The following LRP1B variants were observed in gnomAD, a reference collection of about 807,000 sequenced individuals.
LRP1B encodes the protein low-density lipoprotein receptor-related protein 1B.
A neutral mutation model predicts 556.6 loss-of-function variants in LRP1B; 217 were observed. That is an observed-to-expected ratio of 0.39 (90% CI 0.35 to 0.44). The LOEUF is 0.44. LRP1B is among the 20% of genes least tolerant of loss of function. The pLI is 1.00. For missense variants in LRP1B, 5,053 were observed against 5,620.8 expected (o/e 0.90, Z 3.23); for synonymous variants, 2,047 against 1,865.8 (o/e 1.10, Z -2.50).
intron 67 of LRP1B, among the ~76,000 whole-genome samples, chr2:140,383,573 A>G (rs1683631856): frequency 6.6e-6 from 1 of 152,116 alleles, no homozygotes; most frequent in African/African-American, 2.4e-5. Context: ...CTATTCAATT[A>G]TCTAGATCCC....
intron 35 of LRP1B, among the ~76,000 whole-genome samples, chr2:140,738,398 T>C (rs1419809969): frequency 1.3e-5 from 2 of 152,096 alleles, no homozygotes; most frequent in African/African-American, 2.4e-5. Flanking sequence ...CAGAGACAGA[T>C]CTGTGTGGCA....
intron 3 of LRP1B, among the ~76,000 whole-genome samples, chr2:141,277,324 T>C (rs569014297): frequency 4.6e-5 from 7 of 152,330 alleles, no homozygotes; most frequent in South Asian, 4.1e-4. Flanking sequence ...TTTTTAATAA[T>C]AGCCATTCTA....
chr2:142,117,065 G>A (rs537927104), intron 1 of LRP1B, among the ~76,000 whole-genome samples: 107 of 151,842 alleles, frequency 7.0e-4, no homozygotes, highest in Middle Eastern at 3.4e-3. Context: ...TTGTAATGTT[G>A]TTTCAACCAC....
intron 2 of LRP1B, among the ~76,000 whole-genome samples, chr2:141,782,090 C>T (rs1258956606): frequency 6.6e-6 from 1 of 152,090 alleles, no homozygotes; most frequent in Non-Finnish European, 1.5e-5. Context: ...TCTTGTGATA[C>T]TTAAATATTA....
intron 7 of LRP1B, chr2:141,167,419 T>A (rs1417744778): frequency 1.3e-5 from 2 of 151,886 alleles, no homozygotes; most frequent in Non-Finnish European, 2.9e-5. Context: ...CGTGTCTATA[T>A]AGATTAACCC....
chr2:141,471,589 C>T (rs1211538338), intron 3 of LRP1B, among the ~76,000 whole-genome samples: 1 of 152,272 alleles, frequency 6.6e-6, no homozygotes, highest in East Asian at 1.9e-4. Context: ...ACCATCAGCT[C>T]ACTTGGGATA....
rs373545945 is a variant in LRP1B at position 140,537,210 on chromosome 2, A to T, written c.7514-501T>A. Reference sequence around the variant, plus strand: ...TATTATATATAAGAATATATAATATAATATATAATAATAATATAATAATTA... The same window carrying T: ...TATTATATATAAGAATATATAATATTATATATAATAATAATATAATAATTA... On this transcript the variant is annotated intron_variant, in intron 45 of 90. Coordinates refer to ENST00000389484, the MANE Select transcript of LRP1B (RefSeq NM_018557.3). 4.4e-4 allele frequency among the ~76,000 whole-genome samples: 59 copies of T among 132,596 alleles called. No homozygotes were observed. In the East Asian group the frequency reaches 0.01, roughly 23 times the overall value. 87.0% of individuals were successfully genotyped at this position (132,596 alleles called of 152,430 possible). A position where few individuals can be genotyped will look rare whatever the true frequency, so the allele number is the denominator to read the frequency against.
intron 1 of LRP1B, among the ~76,000 whole-genome samples, chr2:141,912,649 G>C (rs1172414747): frequency 6.6e-6 from 1 of 152,040 alleles, no homozygotes; most frequent in Non-Finnish European, 1.5e-5. Flanking sequence ...TATTTTGAGA[G>C]AAAAACACCC....
chr2:140,352,961 A>G lies in LRP1B; in HGVS notation c.11642T>C (p.Ile3881Thr), dbSNP rs1682041003. Reference protein sequence around the residue: ...QNFQERNNTCIAEGSEDQVLY... With the variant: ...QNFQERNNTCTAEGSEDQVLY... ...AGTGGTTATAATCTTACCTTCTGCT[A>G]TGCAGGTGTTATTTCTTTCTTGAAA... The change falls in exon 76 of 91, where the codon ATA becomes ACA. Residue 3881 changes from isoleucine (I) to threonine (T), a missense_variant. Physicochemically the swap from Ile to Thr is moderately conservative, Grantham distance 89 (BLOSUM62 -1). Around this residue, in one of 5 missense-constraint regions of LRP1B, gnomAD observed 599 missense variants for 648.4 expected, o/e 0.92. Coordinates refer to ENST00000389484, the MANE Select transcript of LRP1B (RefSeq NM_018557.3). 6.2e-7 allele frequency: 1 copy of G among 1,612,096 alleles called. No homozygotes were observed. The highest frequency in any genetic ancestry group is 8.5e-7 in the Non-Finnish European group (1 of 1,179,098).
intron 11 of LRP1B, among the ~76,000 whole-genome samples, chr2:141,032,352 A>C (rs1305322870): frequency 6.6e-6 from 1 of 152,138 alleles, no homozygotes; most frequent in Non-Finnish European, 1.5e-5. Flanking sequence ...CGTCTATAGA[A>C]TAGGTAACTA....
intron 18 of LRP1B, among the ~76,000 whole-genome samples, chr2:140,973,312 G>GT (rs143802963): frequency 1.4e-3 from 210 of 151,958 alleles, no homozygotes; most frequent in African/African-American, 4.9e-3. Flanking sequence ...AGCTTCAAAA[G>GT]TTAGGCTTAT....
At chr2:141,926,638 C>G (rs1271052316) in intron 1 of LRP1B, among the ~76,000 whole-genome samples, 1 of 152,134 alleles carries the variant, frequency 6.6e-6, no homozygotes, top group Non-Finnish European at 1.5e-5. Flanking sequence ...ATATTGGCAT[C>G]TACTTTGAAG....
At chr2:140,275,359 A>G (rs1211537972) in intron 84 of LRP1B, among the ~76,000 whole-genome samples, 4 of 151,956 alleles carry the variant, frequency 2.6e-5, no homozygotes, top group Non-Finnish European at 5.9e-5. Context: ...TCCTTAAAGC[A>G]GTTTCTTTTG....
rs556389705 is a variant in LRP1B at position 142,088,508 on chromosome 2, T to C, written c.82+42140A>G. On this transcript the variant is annotated intron_variant, in intron 1 of 90. Transcript: ENST00000389484. ...GATAATACTCATTCATGCTTAGATT[T>C]AGACAATACCTTAGCCATCAGTTAT... Among the ~76,000 whole-genome samples, 9 of 152,300 alleles carry C rather than the reference T, an allele frequency of 5.9e-5. 1 individual carries two copies. In the East Asian group the frequency reaches 1.7e-3, roughly 29 times the overall value.
chr2:141,437,566 A>G (rs751672317), intron 3 of LRP1B, among the ~76,000 whole-genome samples: 1 of 151,978 alleles, frequency 6.6e-6, no homozygotes, highest in African/African-American at 2.4e-5. Flanking sequence ...CACTTTGGTC[A>G]TTTCTTTTAA....
At chr2:140,945,038 G>A (rs1388436835) in intron 20 of LRP1B, among the ~76,000 whole-genome samples, 9 of 152,088 alleles carry the variant, frequency 5.9e-5, no homozygotes, top group African/African-American at 2.2e-4. Context: ...GCCCAGATAA[G>A]TGACTTCAGT....
At chr2:141,606,951 T>C (rs1250150516) in intron 2 of LRP1B, among the ~76,000 whole-genome samples, 1 of 152,172 alleles carries the variant, frequency 6.6e-6, no homozygotes, top group Non-Finnish European at 1.5e-5. Flanking sequence ...AGTTACGCTA[T>C]ATAATGCATT....
chr2:140,814,620 G>A (rs1375510021), intron 31 of LRP1B, among the ~76,000 whole-genome samples: 1 of 152,150 alleles, frequency 6.6e-6, no homozygotes, highest in East Asian at 1.9e-4. Context: ...TACTTAGGCA[G>A]TTACAGATTT....
intron 2 of LRP1B, among the ~76,000 whole-genome samples, chr2:141,571,241 A>G (rs1686517429): frequency 1.3e-5 from 2 of 150,942 alleles, no homozygotes; most frequent in Admixed American, 1.3e-4. Flanking sequence ...CGCTTGAGTG[A>G]CATCTCCAGG....
Sources: gnomAD v4.1 joint callset for allele counts (sites outside exome capture counted in the v4.1 genomes callset) on GRCh38, gnomAD v4.1.1 for gene constraint, gnomAD v4.1.1 regional missense constraint, MANE v1.5 for transcripts, NCBI Gene and HGNC (gene_info 2026-07-23, HGNC 2026-07-21) for gene names.